The following XKR4 variants were observed in gnomAD, a reference collection of about 807,000 sequenced individuals.
XKR4 encodes XK-related protein 4.
Under a neutral mutation model 53.9 loss-of-function variants are expected in XKR4, and 12 were observed. That is an observed-to-expected ratio of 0.22 (90% CI 0.14 to 0.36). XKR4 has a LOEUF of 0.36. Ranked by LOEUF, XKR4 falls within the 10% of genes least tolerant of loss-of-function variation. The pLI is 1.00. For missense variants in XKR4, 799 were observed against 859.5 expected, an observed-to-expected ratio of 0.93 and a Z score of 0.88; for synonymous variants, 354 against 362.4, an observed-to-expected ratio of 0.98 and a Z score of 0.26.
intron 2 of XKR4, among the ~76,000 whole-genome samples, chr8:55,459,760 A>T (rs1356262551): frequency 6.6e-6 from 1 of 152,216 alleles, no homozygotes; most frequent in Non-Finnish European, 1.5e-5. Context: ...AATAAAAAAG[A>T]TTGACAATAC....
In XKR4 at chr8:55,528,835, C is replaced by T. The variant is rs1215908082; in HGVS notation, c.*4608C>T. ...ATAACACTCCTCCCACCTGATGCTCCAGTGTTTCAAAATGGCCAAGGATGG... is the reference window on the plus strand; with the variant it reads ...ATAACACTCCTCCCACCTGATGCTCTAGTGTTTCAAAATGGCCAAGGATGG... On this transcript the variant is annotated 3_prime_UTR_variant, in exon 3 of 3. Coordinates refer to ENST00000327381, the MANE Select transcript of XKR4 (RefSeq NM_052898.2). The T allele has an allele frequency of 6.6e-6, 1 of 151,976 alleles. No individual in the cohort carries two copies. Among genetic ancestry groups the T allele is most frequent in the African/African-American group, 2.4e-5 (1 of 41,350 alleles). 9.4% of individuals were successfully genotyped at this position (151,976 alleles called of 1,614,324 possible).
chr8:55,487,467 CT>C (rs34679908), intron 2 of XKR4, among the ~76,000 whole-genome samples: 17 of 143,436 alleles, frequency 1.2e-4, no homozygotes, highest in East Asian at 4.1e-4. Context: ...GACATGCTTT[CT>C]TTTTTTTTTT....
At chr8:55,130,159 G>A (rs1331021797) in intron 1 of XKR4, among the ~76,000 whole-genome samples, 1 of 152,130 alleles carries the variant, frequency 6.6e-6, no homozygotes, top group Non-Finnish European at 1.5e-5. Context: ...CAAAGATATA[G>A]CAACTTACAT....
Position 55,332,589 on chromosome 8 carries a change from GT to G in XKR4, c.807-25083del, listed in dbSNP as rs1414599476. On this transcript the variant is annotated intron_variant, in intron 1 of 2. Coordinates refer to ENST00000327381, the MANE Select transcript of XKR4 (RefSeq NM_052898.2). Reference sequence around the variant, plus strand: ...CCAGATATGGAATTCTTAGTTGACAGTTTTTTCCCCCTTTCAGTTCTTTAAA... The same window carrying G: ...CCAGATATGGAATTCTTAGTTGACAGTTTTTCCCCCTTTCAGTTCTTTAAA... 7.9e-5 allele frequency among the ~76,000 whole-genome samples: 12 copies of G among 152,054 alleles called. No homozygotes were observed. In the East Asian group the frequency reaches 2.1e-3, roughly 27 times the overall value.
chr8:55,120,818 C>A (rs1359032543), intron 1 of XKR4, among the ~76,000 whole-genome samples: 1 of 152,152 alleles, frequency 6.6e-6, no homozygotes, highest in African/African-American at 2.4e-5. Context: ...CATGACGTAT[C>A]ATACAGAATA....
At chr8:55,278,908 G>A (rs923836930) in intron 1 of XKR4, among the ~76,000 whole-genome samples, 18 of 152,054 alleles carry the variant, frequency 1.2e-4, no homozygotes, top group Admixed American at 6.6e-4. Flanking sequence ...TAACTCATGC[G>A]CACCTCAGGG....
chr8:55,363,273 C>A (rs889825999), intron 2 of XKR4, among the ~76,000 whole-genome samples: 1 of 152,018 alleles, frequency 6.6e-6, no homozygotes, highest in African/African-American at 2.4e-5. Flanking sequence ...TGAACAAAAA[C>A]GAAAAACACC....
intron 1 of XKR4, among the ~76,000 whole-genome samples, chr8:55,177,484 T>C (rs7815611): frequency 0.096 from 14,549 of 152,184 alleles, 1,920 homozygotes; most frequent in African/African-American, 0.29. Flanking sequence ...GGAAGAGGAT[T>C]GTGTGCCCAC....
At chr8:55,197,823 G>T (rs933872855) in intron 1 of XKR4, among the ~76,000 whole-genome samples, 3 of 152,152 alleles carry the variant, frequency 2.0e-5, no homozygotes, top group Admixed American at 2.0e-4. Flanking sequence ...GATTACAGGC[G>T]TGAGCCACCA....
At chr8:55,119,661 A>G (rs1353777668) in intron 1 of XKR4, among the ~76,000 whole-genome samples, 1 of 152,196 alleles carries the variant, frequency 6.6e-6, no homozygotes, top group African/African-American at 2.4e-5. Context: ...TTCCTTTTCA[A>G]AGTGGGAAAG....
At chr8:55,318,686 A>G (rs923970012) in intron 1 of XKR4, among the ~76,000 whole-genome samples, 2 of 152,242 alleles carry the variant, frequency 1.3e-5, no homozygotes, top group Non-Finnish European at 2.9e-5. Context: ...TGAATACAGA[A>G]TGGTTACTGT....
chr8:55,323,977 G>A (rs1803255491), intron 1 of XKR4, among the ~76,000 whole-genome samples: 1 of 151,638 alleles, frequency 6.6e-6, no homozygotes, highest in African/African-American at 2.4e-5. Flanking sequence ...TCCTCTGCTA[G>A]GAATGTCAAC....
chr8:55,539,713 C>G lies in XKR4; in HGVS notation c.*15486C>G, dbSNP rs1450632092. 6.6e-6 allele frequency: 1 copy of G among 152,150 alleles called. No individual in the cohort carries two copies. Among genetic ancestry groups the G allele is most frequent in the Non-Finnish European group, 1.5e-5 (1 of 68,044 alleles). 9.4% of individuals were successfully genotyped at this position (152,150 alleles called of 1,614,324 possible). ...CCCTGCCCACTTCCTAGTATCAATA[C>G]TCCCCCAACCAGAAATGCAGCAGAA... On this transcript the variant is annotated 3_prime_UTR_variant, in exon 3 of 3. Transcript: ENST00000327381.
intron 1 of XKR4, among the ~76,000 whole-genome samples, chr8:55,202,739 G>A (rs1333357612): frequency 6.6e-6 from 1 of 152,224 alleles, no homozygotes; most frequent in East Asian, 1.9e-4. Context: ...GCAAAGGCCA[G>A]GCAGACTAAA....
At chr8:55,179,009 T>C (rs1817273428) in intron 1 of XKR4, among the ~76,000 whole-genome samples, 1 of 152,126 alleles carries the variant, frequency 6.6e-6, no homozygotes, top group South Asian at 2.1e-4. Context: ...ATATGAATGA[T>C]AGTGAGAACC....
intron 2 of XKR4, among the ~76,000 whole-genome samples, chr8:55,457,584 C>A (rs1805589396): frequency 6.6e-6 from 1 of 152,196 alleles, no homozygotes; most frequent in South Asian, 2.1e-4. Context: ...AGAAGCAGCA[C>A]TAAAGGAAGA....
chr8:55,328,179 A>G (rs1803322611), intron 1 of XKR4, among the ~76,000 whole-genome samples: 1 of 152,174 alleles, frequency 6.6e-6, no homozygotes, highest in South Asian at 2.1e-4. Context: ...CCTGCCCTTG[A>G]CACGTGGAGG....
intron 1 of XKR4, among the ~76,000 whole-genome samples, chr8:55,185,102 T>G (rs545931234): frequency 9.9e-5 from 15 of 152,250 alleles, no homozygotes; most frequent in Non-Finnish European, 1.8e-4. Flanking sequence ...AGCCATTGTA[T>G]TTTTAAGCAG....
chr8:55,233,752 G>A (rs1818079068), intron 1 of XKR4, among the ~76,000 whole-genome samples: 1 of 152,182 alleles, frequency 6.6e-6, no homozygotes, highest in Non-Finnish European at 1.5e-5. Flanking sequence ...ATTTGCTTTA[G>A]CCTTTCATTT....
Sources: gnomAD v4.1 joint callset for allele counts (sites outside exome capture counted in the v4.1 genomes callset) on GRCh38, gnomAD v4.1.1 for gene constraint, MANE v1.5 for transcripts, NCBI Gene and HGNC (gene_info 2026-07-23, HGNC 2026-07-21) for gene names.